CNTNAP5: variants seen among roughly 807,000 people sequenced by gnomAD.
The protein encoded by CNTNAP5 is contactin-associated protein-like 5.
Under a neutral mutation model 150.2 loss-of-function variants are expected in CNTNAP5, and 72 were observed. The ratio of observed to expected loss-of-function variants is 0.48; its 90% CI spans 0.40 to 0.58. CNTNAP5 has a LOEUF of 0.58. Ranked by LOEUF, CNTNAP5 falls within the 20% of genes least tolerant of loss-of-function variation. The probability of loss-of-function intolerance (pLI) is 0.00; values close to 1 mark genes in which losing one functional copy is unlikely to be tolerated. For synonymous variants in CNTNAP5, 672 were observed against 619.8 expected (o/e 1.08, Z -1.25); for missense variants, 1,636 against 1,626.2 (o/e 1.01, Z -0.10).
rs572592898 is a variant in CNTNAP5 at position 124,474,760 on chromosome 2, G to C, written c.940G>C (p.Val314Leu). Residue 314 changes from valine to leucine, a missense_variant, in exon 7 of 24, where the codon GTA becomes CTA. Coordinates refer to ENST00000682447, the MANE Select transcript of CNTNAP5 (RefSeq NM_001367498.1). ...AAAGCTTAGTTTTGGAGGAATTCCA[G>C]TACCAGGAAAACCTGGGACCTTTTT... The part of the protein sequence containing the change: ...DYELSFGGIP[V>L]PGKPGTFLKK... The C allele has an allele frequency of 6.3e-7, 1 of 1,585,950 alleles. No homozygotes were observed. The highest frequency in any genetic ancestry group is 1.4e-5 in the African/African-American group (1 of 73,402).
At chr2:124,303,135 T>G (rs559724543) in intron 3 of CNTNAP5, among the ~76,000 whole-genome samples, 2 of 152,264 alleles carry the variant, frequency 1.3e-5, no homozygotes, top group Admixed American at 1.3e-4. Flanking sequence ...ACACCCTCAC[T>G]CCTTCTCATG....
intron 11 of CNTNAP5, among the ~76,000 whole-genome samples, chr2:124,567,882 T>TAGATATAG (rs1553480455): frequency 6.5e-5 from 9 of 137,808 alleles, no homozygotes; most frequent in Non-Finnish European, 1.1e-4. Context: ...GATAGATAGA[T>TAGATATAG]ATAGATAGAT....
At chr2:124,152,330 G>A (rs191581688) in intron 1 of CNTNAP5, among the ~76,000 whole-genome samples, 90 of 152,204 alleles carry the variant, frequency 5.9e-4, no homozygotes, top group African/African-American at 1.7e-3. Flanking sequence ...TTATATCCAC[G>A]TCCCATTGAA....
At chr2:124,460,137 G>A (rs1383736553) in intron 6 of CNTNAP5, among the ~76,000 whole-genome samples, 1 of 152,126 alleles carries the variant, frequency 6.6e-6, no homozygotes, top group African/African-American at 2.4e-5. Flanking sequence ...AGTGTAAACA[G>A]TTTTTTTGTG....
chr2:124,846,617 G>A (rs181891544), intron 19 of CNTNAP5, among the ~76,000 whole-genome samples: 5 of 152,148 alleles, frequency 3.3e-5, no homozygotes, highest in Admixed American at 3.3e-4. Context: ...TGGTGAGCTG[G>A]TATGATCTTT....
intron 1 of CNTNAP5, among the ~76,000 whole-genome samples, chr2:124,169,409 A>T (rs1684881409): frequency 6.6e-6 from 1 of 152,230 alleles, no homozygotes; most frequent in Non-Finnish European, 1.5e-5. Flanking sequence ...GAAACACAAT[A>T]AAGAAAAAAG....
At chr2:124,655,935 GAGAGAGAGAGAGAA>G (rs1455951466) in intron 13 of CNTNAP5, among the ~76,000 whole-genome samples, 28 of 91,654 alleles carry the variant, frequency 3.1e-4, no homozygotes, top group African/African-American at 4.5e-5. Flanking sequence ...GAGAGAGAGA[GAGAGAGAGAGAGAA>G]AGAAAGAAAG....
intron 1 of CNTNAP5, among the ~76,000 whole-genome samples, chr2:124,194,619 A>C (rs184904493): frequency 1.3e-5 from 2 of 150,822 alleles, no homozygotes; most frequent in Non-Finnish European, 3.0e-5. Context: ...CTGAATCCAC[A>C]AAAAAATTTT....
chr2:124,264,089 A>G (rs1004256709), intron 3 of CNTNAP5, among the ~76,000 whole-genome samples: 2 of 152,052 alleles, frequency 1.3e-5, no homozygotes, highest in South Asian at 2.1e-4. Flanking sequence ...TATTTTTGCT[A>G]TATGTAGGAA....
At chr2:124,556,940 C>T (rs151020591) in intron 10 of CNTNAP5, among the ~76,000 whole-genome samples, 24 of 151,574 alleles carry the variant, frequency 1.6e-4, no homozygotes, top group Non-Finnish European at 2.9e-4. Flanking sequence ...GACTTTTTAT[C>T]TCATGAAAAT....
chr2:124,045,667 C>T (rs77843588), intron 1 of CNTNAP5, among the ~76,000 whole-genome samples: 4,145 of 152,208 alleles, frequency 0.027, 95 homozygotes, highest in South Asian at 0.055. Context: ...TAACACCCTC[C>T]GATTTTAAAA....
At chr2:124,843,061 A>T (rs997576783) in intron 19 of CNTNAP5, among the ~76,000 whole-genome samples, 4 of 151,850 alleles carry the variant, frequency 2.6e-5, no homozygotes. Context: ...CTATGCCCCC[A>T]CCCTTTCCTG....
chr2:124,805,511 G>A (rs1475891961), intron 19 of CNTNAP5, among the ~76,000 whole-genome samples: 1 of 152,102 alleles, frequency 6.6e-6, no homozygotes, highest in Non-Finnish European at 1.5e-5. Flanking sequence ...GCATGTGCCA[G>A]CATCAAAGAA....
chr2:124,750,301 G>A (rs1411079023), intron 14 of CNTNAP5, among the ~76,000 whole-genome samples: 1 of 152,128 alleles, frequency 6.6e-6, no homozygotes, highest in Non-Finnish European at 1.5e-5. Context: ...ACTCCTGGAT[G>A]TCCCATAGCA....
At chr2:124,146,715 A>G (rs895423517) in intron 1 of CNTNAP5, among the ~76,000 whole-genome samples, 3 of 152,242 alleles carry the variant, frequency 2.0e-5, no homozygotes, top group African/African-American at 7.2e-5. Context: ...AATTATTAAT[A>G]GTAGTTATGT....
chr2:124,750,982 C>CAAAAAAAAAAAAAAAAAAAAAA, intron 14 of CNTNAP5, among the ~76,000 whole-genome samples: 1 of 75,470 alleles, frequency 1.3e-5, no homozygotes, highest in Non-Finnish European at 2.4e-5. Context: ...GACTCCATCT[C>CAAAAAAAAAAAAAAAAAAAAAA]AAAAAAAAAA....
chr2:124,497,508 A>G (rs1178619464), intron 7 of CNTNAP5, among the ~76,000 whole-genome samples: 1 of 152,214 alleles, frequency 6.6e-6, no homozygotes, highest in African/African-American at 2.4e-5. Flanking sequence ...TTTTCTTGCT[A>G]AGTTCTAAAG....
At chr2:124,626,681 G>T (rs1431213909) in intron 12 of CNTNAP5, among the ~76,000 whole-genome samples, 1 of 152,116 alleles carries the variant, frequency 6.6e-6, no homozygotes, top group Non-Finnish European at 1.5e-5. Flanking sequence ...TACATCGGGG[G>T]TGCCTTGAGC....
chr2:124,114,279 A>C (rs2104708930), intron 1 of CNTNAP5, among the ~76,000 whole-genome samples: 1 of 152,082 alleles, frequency 6.6e-6, no homozygotes, highest in South Asian at 2.1e-4. Context: ...TCATTTATTT[A>C]GTTCTTCTTG....
Sources: gnomAD v4.1 joint callset for allele counts (sites outside exome capture counted in the v4.1 genomes callset) on GRCh38, gnomAD v4.1.1 for gene constraint, MANE v1.5 for transcripts, NCBI Gene and HGNC (gene_info 2026-07-23, HGNC 2026-07-21) for gene names.